RHBDD1: variants seen among roughly 807,000 people sequenced by gnomAD.
RHBDD1 encodes the protein rhomboid-related protein 4.
In RHBDD1, 38 loss-of-function variants were observed where a neutral mutation model predicts 36.3. That is an observed-to-expected ratio of 1.05 (90% CI 0.81 to 1.37). RHBDD1 has a LOEUF of 1.37. RHBDD1 is among the 40% of genes most tolerant of loss of function. The pLI is 0.00. For synonymous variants in RHBDD1, 151 were observed against 136.5 expected (o/e 1.11, Z -0.74); for missense variants, 393 against 377.6 (o/e 1.04, Z -0.34).
chr2:226,952,452 C>G (rs1347031181), intron 8 of RHBDD1, among the ~76,000 whole-genome samples: 1 of 152,056 alleles, frequency 6.6e-6, no homozygotes, highest in Non-Finnish European at 1.5e-5. Context: ...CACATGCCAC[C>G]ACGCCCAGCT....
intron 3 of RHBDD1, among the ~76,000 whole-genome samples, chr2:226,839,944 C>T (rs1412927872): frequency 6.6e-6 from 1 of 152,034 alleles, no homozygotes; most frequent in Non-Finnish European, 1.5e-5. Flanking sequence ...GTTTATAGCC[C>T]TATCATTTTT....
chr2:226,939,378 G>A (rs954992597), intron 8 of RHBDD1, among the ~76,000 whole-genome samples: 3 of 152,132 alleles, frequency 2.0e-5, no homozygotes, highest in Non-Finnish European at 4.4e-5. Flanking sequence ...AGAAAACTCC[G>A]TCGTCTCAGC....
chr2:226,809,150 T>C, the RHBDD1 span, among the ~76,000 whole-genome samples: 2 of 151,984 alleles, frequency 1.3e-5, no homozygotes, highest in Non-Finnish European at 2.9e-5. Flanking sequence ...AAAGAGAAAG[T>C]AGATAGACAA....
intron 8 of RHBDD1, among the ~76,000 whole-genome samples, chr2:226,938,359 TAA>T (rs1487990924): frequency 6.6e-6 from 1 of 152,148 alleles, no homozygotes; most frequent in East Asian, 1.9e-4. Flanking sequence ...GCATAGTTTG[TAA>T]AAATTTTCTT....
intron 5 of RHBDD1, among the ~76,000 whole-genome samples, chr2:226,882,854 G>T (rs1036063816): frequency 6.6e-6 from 1 of 152,076 alleles, no homozygotes; most frequent in African/African-American, 2.4e-5. Context: ...TTGCCATCAT[G>T]GTTGGTTCTT....
At chr2:226,879,475 A>G (rs1945525071) in intron 5 of RHBDD1, among the ~76,000 whole-genome samples, 1 of 152,192 alleles carries the variant, frequency 6.6e-6, no homozygotes, top group African/African-American at 2.4e-5. Context: ...GTATATGGAA[A>G]TGTGTGCTCA....
At chr2:226,855,232 G>T (rs1303925666) in intron 3 of RHBDD1, among the ~76,000 whole-genome samples, 2 of 152,250 alleles carry the variant, frequency 1.3e-5, no homozygotes, top group East Asian at 1.9e-4. Flanking sequence ...TTGAGCTTGG[G>T]TATGGTGGCT....
intron 7 of RHBDD1, among the ~76,000 whole-genome samples, chr2:226,909,336 A>T (rs574935389): frequency 6.6e-6 from 1 of 152,238 alleles, no homozygotes; most frequent in Non-Finnish European, 1.5e-5. Context: ...GGAAGAATGT[A>T]TTTTTCTAAG....
At chr2:226,935,821 T>C (rs1026978562) in intron 8 of RHBDD1, among the ~76,000 whole-genome samples, 5 of 152,106 alleles carry the variant, frequency 3.3e-5, no homozygotes, top group Admixed American at 6.6e-5. Flanking sequence ...TTCAAACAGC[T>C]ATATAAAGCA....
At chr2:226,924,074 G>A (rs1049452431) in intron 8 of RHBDD1, among the ~76,000 whole-genome samples, 1 of 152,080 alleles carries the variant, frequency 6.6e-6, no homozygotes, top group African/African-American at 2.4e-5. Flanking sequence ...TTAAGCAGAA[G>A]GAGTCTCTCC....
intron 3 of RHBDD1, among the ~76,000 whole-genome samples, chr2:226,853,109 T>G (rs1466935762): frequency 6.6e-6 from 1 of 152,040 alleles, no homozygotes; most frequent in Non-Finnish European, 1.5e-5. Flanking sequence ...TAATTAAATT[T>G]TACACTGCAT....
chr2:226,826,357 TTGATTAG>T, the RHBDD1 span, among the ~76,000 whole-genome samples: 1 of 152,250 alleles, frequency 6.6e-6, no homozygotes, highest in African/African-American at 2.4e-5. Flanking sequence ...TAATTGAGAG[TTGATTAG>T]TGAAAATTGA....
intron 1 of RHBDD1, among the ~76,000 whole-genome samples, chr2:226,836,442 G>A (rs1271660402): frequency 6.6e-6 from 1 of 152,212 alleles, no homozygotes; most frequent in East Asian, 1.9e-4. Flanking sequence ...TTGAAGTGAC[G>A]TTGCATCAGC....
chr2:226,854,616 A>G (rs2125116001), intron 3 of RHBDD1, among the ~76,000 whole-genome samples: 1 of 151,914 alleles, frequency 6.6e-6, no homozygotes, highest in South Asian at 2.1e-4. Context: ...AAAAAAAAAA[A>G]AAAGGCGCTT....
rs550300324 is a variant in RHBDD1, at chr2:226,997,045, G to A, written c.*1523G>A. The A allele has an allele frequency of 6.6e-6, 1 of 152,142 alleles. No homozygotes were observed. Among genetic ancestry groups the A allele is most frequent in the South Asian group, 2.1e-4 (1 of 4,818 alleles). The allele number at this position is 152,142 out of a possible 1,614,324, so 9.4% of individuals were successfully genotyped here. On this transcript the variant is annotated 3_prime_UTR_variant, in exon 9 of 9. Transcript: ENST00000392062. ...TGGAGCACATTGACCATGGAGTTTT[G>A]TGTCCAAATCCAATCTGAATTTACC...
the RHBDD1 span, among the ~76,000 whole-genome samples, chr2:226,807,203 ATGT>A: frequency 6.6e-6 from 1 of 152,218 alleles, no homozygotes; most frequent in East Asian, 1.9e-4. Flanking sequence ...AATTGAGCTA[ATGT>A]TGTTTGCTAT....
chr2:226,990,809 C>G (rs1958019556), intron 8 of RHBDD1, among the ~76,000 whole-genome samples: 1 of 152,198 alleles, frequency 6.6e-6, no homozygotes, highest in South Asian at 2.1e-4. Flanking sequence ...AGCATGCTCA[C>G]TGCTTCTTTG....
intron 8 of RHBDD1, 48 bp from the exon 9 acceptor site, chr2:226,995,383 C>G (rs370497792): frequency 8.2e-7 from 1 of 1,225,084 alleles, no homozygotes; most frequent in African/African-American, 1.5e-5. Context: ...GTACACATGC[C>G]TTGTCACGTC....
At chr2:226,964,874 G>A in intron 8 of RHBDD1, among the ~76,000 whole-genome samples, 1 of 152,206 alleles carries the variant, frequency 6.6e-6, no homozygotes, top group Non-Finnish European at 1.5e-5. Context: ...GGGCCTTTTA[G>A]GCCATCTGGG....
Sources: allele counts gnomAD v4.1 joint callset (sites outside exome capture counted in the v4.1 genomes callset), GRCh38; gene constraint gnomAD v4.1.1; transcripts MANE v1.5; gene names NCBI Gene and HGNC (gene_info 2026-07-23, HGNC 2026-07-21).